SERPINE3: variants seen among roughly 807,000 people sequenced by gnomAD.
SERPINE3 encodes serpin E3.
SERPINE3 carries 43 observed loss-of-function variants against 41.7 expected under a neutral mutation model. The observed-to-expected ratio is 1.03, with a 90% CI of 0.81 to 1.33. SERPINE3 has a LOEUF of 1.33. Among genes scored for constraint, SERPINE3 ranks in the 40% most tolerant of loss-of-function variants. The probability of loss-of-function intolerance (pLI) is 0.00; values close to 1 mark genes in which losing one functional copy is unlikely to be tolerated. For missense variants in SERPINE3, 440 were observed against 491.7 expected (o/e 0.89, Z 0.99); for synonymous variants, 200 against 192.2 (o/e 1.04, Z -0.34).
rs9568577 is a variant in SERPINE3, at chr13:51,347,859, G to A, written c.701-354G>A. Among the ~76,000 whole-genome samples, 242 of 152,020 alleles carry A rather than the reference G, an allele frequency of 1.6e-3. 3 individuals are homozygous for A. The East Asian group carries it at 0.032, about 20-fold the overall frequency. On this transcript the variant is annotated intron_variant, in intron 5 of 9. Coordinates refer to ENST00000681248, the MANE Select transcript of SERPINE3 (RefSeq NM_001386375.1). Reference sequence around the variant, plus strand: ...AGAAAACATAGTATATGCAGGGCTCGTTACCATCCACAGGTTCAGGCCTCT... The same window carrying A: ...AGAAAACATAGTATATGCAGGGCTCATTACCATCCACAGGTTCAGGCCTCT...
intron 7 of SERPINE3, among the ~76,000 whole-genome samples, chr13:51,358,572 G>A (rs563014695): frequency 6.6e-6 from 1 of 152,038 alleles, no homozygotes; most frequent in African/African-American, 2.4e-5. Context: ...GAACATTAAG[G>A]CCATTCGTAT....
At chr13:51,361,050 T>C (rs1955566106) in intron 7 of SERPINE3, among the ~76,000 whole-genome samples, 2 of 152,078 alleles carry the variant, frequency 1.3e-5, no homozygotes, top group Non-Finnish European at 2.9e-5. Context: ...AAATTAAATA[T>C]ATATAACAAA....
intron 7 of SERPINE3, among the ~76,000 whole-genome samples, chr13:51,358,448 C>T (rs1380402630): frequency 6.6e-6 from 1 of 152,110 alleles, no homozygotes. Context: ...TGTCCACCAA[C>T]AAAGCACTGA....
intron 5 of SERPINE3, 107 bp downstream of exon 5, chr13:51,347,341 G>T: frequency 1.0e-6 from 1 of 956,024 alleles, no homozygotes; most frequent in Non-Finnish European, 1.6e-6. Flanking sequence ...ATGTGTTTCC[G>T]CAGGGTCCAT....
At chr13:51,357,692 A>C (rs901679716) in intron 7 of SERPINE3, among the ~76,000 whole-genome samples, 7 of 151,740 alleles carry the variant, frequency 4.6e-5, no homozygotes, top group Admixed American at 3.3e-4. Context: ...TTGATACTAG[A>C]TGTTATGCAG....
At chr13:51,341,429 TCA>T (rs1955290537) in intron 3 of SERPINE3, 82 bp downstream of exon 3, 5 of 1,273,570 alleles carry the variant, frequency 3.9e-6, no homozygotes, top group South Asian at 1.4e-5. Flanking sequence ...CTGCTCACAC[TCA>T]CACTCACTCT....
intron 4 of SERPINE3, 63 bp from the exon 5 acceptor site, chr13:51,346,962 A>C: frequency 7.9e-7 from 1 of 1,259,316 alleles, no homozygotes; most frequent in Middle Eastern, 2.1e-4. Context: ...CCGCACACAC[A>C]CTGGGTTCGG....
intron 6 of SERPINE3, among the ~76,000 whole-genome samples, chr13:51,353,174 TA>T (rs1955425996): frequency 6.6e-6 from 1 of 152,204 alleles, no homozygotes; most frequent in Non-Finnish European, 1.5e-5. Flanking sequence ...TCTAATCTTT[TA>T]TAGTCATATC....
In SERPINE3 at chr13:51,361,600, C is replaced by T. The variant is rs1382677249; in HGVS notation, c.1088-210C>T. 46 of 587,132 alleles carry T rather than the reference C, an allele frequency of 7.8e-5. No individual in the cohort carries two copies. The South Asian group carries it at 1.0e-3, about 13-fold the overall frequency. 36.4% of individuals were successfully genotyped at this position (587,132 alleles called of 1,614,324 possible). ...AGTTACCTTCAATAAGGAATTTATT[C>T]CATGGAATGTGTTGAAAACAGGAGA... On this transcript the variant is annotated intron_variant, in intron 8 of 9. Coordinates refer to ENST00000681248, the MANE Select transcript of SERPINE3 (RefSeq NM_001386375.1).
At chr13:51,342,589 A>T (rs569544968) in intron 3 of SERPINE3, among the ~76,000 whole-genome samples, 37 of 152,274 alleles carry the variant, frequency 2.4e-4, no homozygotes, top group Middle Eastern at 3.4e-3. Context: ...CAGAGAAAAG[A>T]TTTCACACAA....
chr13:51,362,257 AG>A, intron 9 of SERPINE3: 1 of 391,574 alleles, frequency 2.6e-6, no homozygotes, highest in Non-Finnish European at 4.4e-6. Flanking sequence ...TTATCATTTT[AG>A]AGTTTTTTCA....
rs758105825 is a variant in SERPINE3, at chr13:51,347,218, G to A, written c.684G>A (p.Thr228=). ...TTCAGGTCCCCATGATGCACCAAAC[G>A]ACCGAGGTCAACTACGGTGAGCTCT... is the stretch of plus-strand genomic sequence containing the variant. ...LVLQVPMMHQ[T]TEVNYGQFQD... The change falls in exon 5 of 10, where the codon ACG becomes ACA. Residue 228 remains threonine, a synonymous_variant. Transcript: ENST00000681248. The A allele has an allele frequency of 3.8e-5, 62 of 1,613,608 alleles. No individual in the cohort carries two copies. Among genetic ancestry groups the A allele is most frequent in the East Asian group, 3.6e-4 (16 of 44,884 alleles).
intron 5 of SERPINE3, among the ~76,000 whole-genome samples, chr13:51,347,495 T>C (rs1479006185): frequency 6.6e-6 from 1 of 152,174 alleles, no homozygotes; most frequent in Non-Finnish European, 1.5e-5. Flanking sequence ...CATTTCCTTC[T>C]GCACTAGTAG....
At chr13:51,355,260 C>G in intron 7 of SERPINE3, 117 bp downstream of exon 7, 1 of 613,156 alleles carries the variant, frequency 1.6e-6, no homozygotes, top group Non-Finnish European at 2.9e-6. Context: ...AAGAAAGGTG[C>G]TCTGTTTTAT....
intron 7 of SERPINE3, among the ~76,000 whole-genome samples, chr13:51,359,268 T>C (rs1040171737): frequency 2.0e-5 from 3 of 152,002 alleles, no homozygotes; most frequent in Admixed American, 6.6e-5. Context: ...CAATAAAAAA[T>C]AATAGGAATC....
intron 6 of SERPINE3, chr13:51,348,785 T>A (rs113335901): frequency 2.9e-3 from 618 of 211,714 alleles, no homozygotes; most frequent in African/African-American, 0.014. Flanking sequence ...TCTTATCCCA[T>A]CCTAAGAGTA....
intron 7 of SERPINE3, among the ~76,000 whole-genome samples, chr13:51,360,096 T>C (rs1955546051): frequency 6.6e-6 from 1 of 152,124 alleles, no homozygotes; most frequent in South Asian, 2.1e-4. Context: ...CGCATATTCT[T>C]TATTTTGGTC....
intron 6 of SERPINE3, among the ~76,000 whole-genome samples, chr13:51,350,466 C>T (rs1434567695): frequency 2.0e-5 from 3 of 151,952 alleles, no homozygotes; most frequent in Non-Finnish European, 4.4e-5. Flanking sequence ...ATTATTAGGT[C>T]AACATAGAAG....
At chr13:51,347,962 C>A (rs1039751561) in intron 5 of SERPINE3, among the ~76,000 whole-genome samples, 5 of 152,102 alleles carry the variant, frequency 3.3e-5, no homozygotes, top group Non-Finnish European at 4.4e-5. Flanking sequence ...ATCGTCCCCC[C>A]CCCCATACCC....
Sources: gnomAD v4.1 joint callset for allele counts (sites outside exome capture counted in the v4.1 genomes callset) on GRCh38, gnomAD v4.1.1 for gene constraint, MANE v1.5 for transcripts, NCBI Gene and HGNC (gene_info 2026-07-23, HGNC 2026-07-21) for gene names.